The following IQCH variants were observed in gnomAD, a reference collection of about 807,000 sequenced individuals.
IQCH encodes IQ domain-containing protein H.
IQCH carries 98 observed loss-of-function variants against 117.0 expected under a neutral mutation model. That is an observed-to-expected ratio of 0.84 (90% CI 0.71 to 0.99). The LOEUF is 0.99. Among genes scored for constraint, IQCH ranks in the 50% least tolerant of loss-of-function variants. IQCH has a pLI of 0.00. For synonymous variants in IQCH, 412 were observed against 448.2 expected (o/e 0.92, Z 1.02); for missense variants, 1,102 against 1,243.8 (o/e 0.89, Z 1.72).
chr15:67,368,162 G>A (rs1262516859), intron 8 of IQCH, among the ~76,000 whole-genome samples: 1 of 152,176 alleles, frequency 6.6e-6, no homozygotes, highest in South Asian at 2.1e-4. Context: ...GCTTGGATTT[G>A]AACCCAGGTT....
intron 6 of IQCH, 62 bp from the exon 7 acceptor site, chr15:67,357,283 A>C: frequency 8.9e-7 from 1 of 1,123,394 alleles, no homozygotes; most frequent in Non-Finnish European, 1.4e-6. Flanking sequence ...ACCCAATAGC[A>C]TCCAACCAGT....
At chr15:67,347,811 A>G (rs1200343831) in intron 6 of IQCH, among the ~76,000 whole-genome samples, 1 of 144,294 alleles carries the variant, frequency 6.9e-6, no homozygotes, top group Non-Finnish European at 1.5e-5. Context: ...ATATATATAT[A>G]TAGATATATA....
rs1251508305 is a variant in IQCH, at chr15:67,501,634, C to T, written c.*888C>T. The T allele has an allele frequency of 6.6e-6, 1 of 152,118 alleles. No individual in the cohort carries two copies. Among genetic ancestry groups the T allele is most frequent in the Admixed American group, 6.5e-5 (1 of 15,278 alleles). 9.4% of individuals were successfully genotyped at this position (152,118 alleles called of 1,614,324 possible). On this transcript the variant is annotated 3_prime_UTR_variant, in exon 21 of 21. Transcript: ENST00000335894. The surrounding 1 kb of genome is among the most constrained non-coding windows in gnomAD (Gnocchi z 5.2). ...TGAAGGGTGAAATAAAAGCAAATTACAACACCAAAACCATTATTGTTTTAA... is the reference window on the plus strand; with the variant it reads ...TGAAGGGTGAAATAAAAGCAAATTATAACACCAAAACCATTATTGTTTTAA...
rs1326622043 is a variant in IQCH at position 67,457,622 on chromosome 15, C to A, written c.2506-7505C>A. Among the ~76,000 whole-genome samples the A allele has an allele frequency of 1.3e-5, 2 of 152,186 alleles. No individual in the cohort carries two copies. Among genetic ancestry groups the A allele is most frequent in the African/African-American group, 4.8e-5 (2 of 41,436 alleles). ...CCAGGCCTCTGTAGTAATAGTCTCA[C>A]ACACTATCTCATTTAGCCACTGAAT... is the stretch of plus-strand genomic sequence containing the variant. On this transcript the variant is annotated intron_variant, in intron 16 of 20. Transcript: ENST00000335894. The surrounding 1 kb of genome is among the most constrained non-coding windows in gnomAD (Gnocchi z 5.7).
chr15:67,484,516 G>T (rs1459367926), intron 18 of IQCH, among the ~76,000 whole-genome samples: 1 of 150,192 alleles, frequency 6.7e-6, no homozygotes, highest in Non-Finnish European at 1.5e-5. Flanking sequence ...GAATCACAAG[G>T]TCAGGAGTTT....
At position 67,426,662 on chromosome 15, in the gene IQCH, A is replaced by T. The variant is rs936243646; in HGVS notation, c.2505+5085A>T. ...AGCTAAATAGAACTTGGAACATAGT[A>T]ACTGTGTATATTTACAAAATAAAAT... On this transcript the variant is annotated intron_variant, in intron 16 of 20. Transcript: ENST00000335894. This position sits in a 1 kb window ranked among gnomAD's most constrained non-coding sequence, Gnocchi z 5.1. Among the ~76,000 whole-genome samples the T allele has an allele frequency of 6.6e-6, 1 of 152,272 alleles. No individual in the cohort carries two copies. The highest frequency in any genetic ancestry group is 3.4e-3 in the Middle Eastern group (1 of 294).
chr15:67,272,873 C>T (rs969690682), intron 3 of IQCH, among the ~76,000 whole-genome samples: 2 of 152,160 alleles, frequency 1.3e-5, no homozygotes, highest in Non-Finnish European at 2.9e-5. Flanking sequence ...CATTCAGCCA[C>T]ACTGTGTTTT....
rs1229072110 is a variant in IQCH at position 67,386,980 on chromosome 15, T to A, written c.1457-1851T>A. 6.6e-6 allele frequency among the ~76,000 whole-genome samples: 1 copy of A among 152,148 alleles called. No individual in the cohort carries two copies. The highest frequency in any genetic ancestry group is 1.5e-5 in the Non-Finnish European group (1 of 68,010). On this transcript the variant is annotated intron_variant, in intron 11 of 20. Transcript: ENST00000335894. The surrounding 1 kb of genome is among the most constrained non-coding windows in gnomAD (Gnocchi z 5.0). The stretch of plus-strand genomic sequence containing the variant: ...AGAAATTTTCTTCCCAAGAAAAAAA[T>A]TATTTTTCATCTGTTACAGTCTGTA...
At chr15:67,462,233 C>T (rs376389440) in intron 16 of IQCH, among the ~76,000 whole-genome samples, 12 of 151,688 alleles carry the variant, frequency 7.9e-5, no homozygotes, top group African/African-American at 2.9e-4. Flanking sequence ...TCCAGACCAG[C>T]CTGGCCAAGA....
intron 20 of IQCH, among the ~76,000 whole-genome samples, chr15:67,495,963 G>A (rs927749864): frequency 3.9e-5 from 6 of 152,226 alleles, no homozygotes; most frequent in Admixed American, 1.3e-4. Context: ...TGGCATTGTG[G>A]TAGGTATTTT....
At chr15:67,296,523 G>T (rs957237086) in intron 4 of IQCH, among the ~76,000 whole-genome samples, 2 of 152,048 alleles carry the variant, frequency 1.3e-5, no homozygotes, top group African/African-American at 2.4e-5. Flanking sequence ...GTGATTAGAG[G>T]CAGGCCATCA....
intron 17 of IQCH, among the ~76,000 whole-genome samples, chr15:67,468,198 C>T (rs1243533278): frequency 6.6e-6 from 1 of 152,204 alleles, no homozygotes; most frequent in Non-Finnish European, 1.5e-5. Flanking sequence ...CTTTCTGGAC[C>T]CTCCATACCA....
chr15:67,351,814 G>A (rs1969674869), intron 6 of IQCH, among the ~76,000 whole-genome samples: 1 of 151,734 alleles, frequency 6.6e-6, no homozygotes, highest in Non-Finnish European at 1.5e-5. Flanking sequence ...TTGTTTGCCT[G>A]GCATATCTTT....
At chr15:67,290,673 T>G (rs1257143044) in intron 4 of IQCH, among the ~76,000 whole-genome samples, 1 of 151,472 alleles carries the variant, frequency 6.6e-6, no homozygotes, top group African/African-American at 2.4e-5. Flanking sequence ...ACCTAATAAT[T>G]TCAGTGTTGA....
chr15:67,283,546 C>A (rs1567063451), intron 4 of IQCH, among the ~76,000 whole-genome samples: 2 of 151,384 alleles, frequency 1.3e-5, no homozygotes, highest in Non-Finnish European at 1.5e-5. Flanking sequence ...TATTGACTAT[C>A]CGTGACAGCA....
chr15:67,451,924 T>G (rs957304937), intron 16 of IQCH, among the ~76,000 whole-genome samples: 1 of 152,204 alleles, frequency 6.6e-6, no homozygotes, highest in Non-Finnish European at 1.5e-5. Context: ...TGGGTGCATA[T>G]ATATTTAGGA....
intron 18 of IQCH, among the ~76,000 whole-genome samples, chr15:67,489,395 G>A (rs1432714068): frequency 2.0e-5 from 3 of 151,850 alleles, no homozygotes; most frequent in African/African-American, 4.8e-5. Flanking sequence ...GCGTGACCTC[G>A]GCTCACTGAA....
chr15:67,500,205 A>G lies in IQCH; in HGVS notation c.2971-428A>G, dbSNP rs1403113319. ...ACCAATGGAAAGAAACCTTCCCATC[A>G]GCCTATTAGCCCTCATTTTAGGGTG... is the stretch of plus-strand genomic sequence containing the variant. On this transcript the variant is annotated intron_variant, in intron 20 of 20. Coordinates refer to ENST00000335894, the MANE Select transcript of IQCH (RefSeq NM_001031715.3). The surrounding 1 kb of genome is among the most constrained non-coding windows in gnomAD (Gnocchi z 4.4). Among the ~76,000 whole-genome samples, 1 of 152,204 alleles carries G rather than the reference A, an allele frequency of 6.6e-6. No homozygotes were observed. Among genetic ancestry groups the G allele is most frequent in the Non-Finnish European group, 1.5e-5 (1 of 68,022 alleles).
At chr15:67,301,665 C>T (rs1320378227) in intron 4 of IQCH, among the ~76,000 whole-genome samples, 3 of 151,932 alleles carry the variant, frequency 2.0e-5, no homozygotes, top group African/African-American at 4.8e-5. Flanking sequence ...CCACCTCGGC[C>T]TCCCAAAGTG....
Sources: gnomAD v4.1 joint callset for allele counts (sites outside exome capture counted in the v4.1 genomes callset) on GRCh38, gnomAD v4.1.1 for gene constraint, Gnocchi (gnomAD v3.1) non-coding constraint, MANE v1.5 for transcripts, NCBI Gene and HGNC (gene_info 2026-07-23, HGNC 2026-07-21) for gene names.